Variants in AGPS observed in about 807,000 individuals in gnomAD.
The protein encoded by AGPS is alkyldihydroxyacetonephosphate synthase, peroxisomal.
Under a neutral mutation model 90.7 loss-of-function variants are expected in AGPS, and 26 were observed. That is an observed-to-expected ratio of 0.29 (90% confidence interval 0.21 to 0.40). The LOEUF (loss-of-function observed/expected upper bound fraction) is 0.40. AGPS is among the 10% of genes least tolerant of loss of function. The pLI, the probability that AGPS is intolerant of heterozygous loss-of-function variation, is 1.00. For synonymous variants in AGPS, 294 were observed against 285.3 expected (o/e 1.03, Z -0.31); for missense variants, 540 against 816.1 (o/e 0.66, Z 4.12).
intron 8 of AGPS, among the ~76,000 whole-genome samples, chr2:177,455,124 T>A (rs558037600): frequency 6.6e-6 from 1 of 152,334 alleles, no homozygotes; most frequent in South Asian, 2.1e-4. Flanking sequence ...GTAATCCATC[T>A]GGAGTATATC....
intron 1 of AGPS, among the ~76,000 whole-genome samples, chr2:177,417,138 G>T (rs1685809978): frequency 6.6e-6 from 1 of 152,128 alleles, no homozygotes. Context: ...CTACAACACA[G>T]GGTGAGCATC....
At chr2:177,436,213 A>G in intron 3 of AGPS, among the ~76,000 whole-genome samples, 1 of 122,446 alleles carries the variant, frequency 8.2e-6, no homozygotes, top group African/African-American at 3.1e-5. Context: ...GTGCCGTGGT[A>G]CAATCTCGGC....
At chr2:177,408,156 A>C (rs940386172) in intron 1 of AGPS, among the ~76,000 whole-genome samples, 1 of 152,152 alleles carries the variant, frequency 6.6e-6, no homozygotes, top group African/African-American at 2.4e-5. Context: ...GTAGAACATC[A>C]GCAGTTTCTC....
chr2:177,527,844 A>G (rs976998782), intron 19 of AGPS, among the ~76,000 whole-genome samples: 4 of 152,220 alleles, frequency 2.6e-5, no homozygotes, highest in African/African-American at 9.6e-5. Flanking sequence ...CCTCATTTAA[A>G]TAGAAATCTT....
chr2:177,466,914 C>T (rs927607814), intron 9 of AGPS, among the ~76,000 whole-genome samples: 1 of 152,164 alleles, frequency 6.6e-6, no homozygotes, highest in Non-Finnish European at 1.5e-5. Context: ...GTGCTTCCGG[C>T]CCCCAAGAGC....
chr2:177,445,665 A>T, intron 8 of AGPS, 39 bp downstream of exon 8: 2 of 1,368,274 alleles, frequency 1.5e-6, no homozygotes, highest in Non-Finnish European at 2.0e-6. Context: ...AAATTAACTT[A>T]TTCTAATATC....
intron 1 of AGPS, among the ~76,000 whole-genome samples, chr2:177,412,629 T>TC (rs1169607393): frequency 6.6e-6 from 1 of 151,880 alleles, no homozygotes; most frequent in Admixed American, 6.6e-5. Flanking sequence ...CTTTGGAGAG[T>TC]CCCTTCGTGG....
chr2:177,522,431 A>G (rs1689223668), intron 18 of AGPS, among the ~76,000 whole-genome samples: 1 of 152,108 alleles, frequency 6.6e-6, no homozygotes, highest in Admixed American at 6.6e-5. Flanking sequence ...CATATGTATG[A>G]TTCATTCGGA....
intron 2 of AGPS, among the ~76,000 whole-genome samples, chr2:177,430,834 G>T (rs557354949): frequency 9.9e-5 from 15 of 152,008 alleles, no homozygotes; most frequent in Non-Finnish European, 1.5e-4. Context: ...TAAAATTTTT[G>T]AAAAATGTCA....
At chr2:177,442,294 G>A in intron 6 of AGPS, 113 bp from the exon 7 acceptor site, 1 of 818,892 alleles carries the variant, frequency 1.2e-6, no homozygotes, top group Non-Finnish European at 2.1e-6. Context: ...GTATTAATAG[G>A]TATCACTTTT....
rs1253361507 is a variant in AGPS at position 177,497,759 on chromosome 2, T to A, written c.1356T>A (p.Ile452=). The A allele has an allele frequency of 6.7e-7, 1 of 1,498,276 alleles. No homozygotes were observed. The highest frequency in any genetic ancestry group is 1.2e-5 in the South Asian group (1 of 85,812). The allele number at this position is 1,498,276 out of a possible 1,614,324, so 92.8% of individuals were successfully genotyped here. ...SFLDGLKKFY[I]TKFKGFDPNQ... The stretch of plus-strand genomic sequence containing the variant: ...TGGACGGATTAAAAAAGTTTTATAT[T>A]ACAAAGGTAAGAATTTTTATAAAAT... The change falls in exon 13 of 20, where the codon ATT becomes ATA. Residue 452 remains isoleucine, a synonymous_variant. Coordinates refer to ENST00000264167, the MANE Select transcript of AGPS (RefSeq NM_003659.4).
At chr2:177,440,868 A>G (rs1686582802) in intron 5 of AGPS, 97 bp from the exon 6 acceptor site, 6 of 1,006,534 alleles carry the variant, frequency 6.0e-6, no homozygotes, top group African/African-American at 1.6e-5. Context: ...GAATGAAGGA[A>G]AAGTTTAGAT....
At chr2:177,429,949 C>A (rs952586264) in intron 2 of AGPS, among the ~76,000 whole-genome samples, 13 of 152,198 alleles carry the variant, frequency 8.5e-5, no homozygotes, top group Admixed American at 6.5e-5. Flanking sequence ...GGCTCTGTCC[C>A]AGGGAGAGAT....
At chr2:177,398,422 T>C (rs1270329354) in intron 1 of AGPS, among the ~76,000 whole-genome samples, 3 of 152,212 alleles carry the variant, frequency 2.0e-5, no homozygotes, top group Non-Finnish European at 4.4e-5. Flanking sequence ...AGTGATACTA[T>C]ATGTACATTA....
chr2:177,489,269 C>G (rs990388559), intron 11 of AGPS, among the ~76,000 whole-genome samples: 1 of 151,410 alleles, frequency 6.6e-6, no homozygotes, highest in Non-Finnish European at 1.5e-5. Context: ...TATTTTTAGT[C>G]GAGACAGGAT....
intron 10 of AGPS, among the ~76,000 whole-genome samples, chr2:177,471,270 TTC>T (rs1687616896): frequency 6.6e-6 from 1 of 152,172 alleles, no homozygotes; most frequent in African/African-American, 2.4e-5. Flanking sequence ...TTAAAAAAAT[TTC>T]TTTCAGTTAA....
chr2:177,497,534 G>A (rs538786252), intron 12 of AGPS, among the ~76,000 whole-genome samples, 155 bp from the exon 13 acceptor site: 36 of 151,732 alleles, frequency 2.4e-4, no homozygotes, highest in Non-Finnish European at 3.5e-4. Flanking sequence ...ACTATATATC[G>A]TAATATAAAT....
chr2:177,464,908 T>C (rs995658642), intron 9 of AGPS, among the ~76,000 whole-genome samples: 3 of 152,246 alleles, frequency 2.0e-5, no homozygotes, highest in Non-Finnish European at 4.4e-5. Context: ...AGCATTTCAT[T>C]TTCTGAAGAA....
intron 16 of AGPS, among the ~76,000 whole-genome samples, chr2:177,511,648 T>A (rs1688877045): frequency 6.6e-6 from 1 of 152,072 alleles, no homozygotes; most frequent in South Asian, 2.1e-4. Flanking sequence ...AGGGAGGAAA[T>A]GGTCAAGTGT....
Sources: allele counts gnomAD v4.1 joint callset (sites outside exome capture counted in the v4.1 genomes callset), GRCh38; gene constraint gnomAD v4.1.1; transcripts MANE v1.5; gene names NCBI Gene and HGNC (gene_info 2026-07-23, HGNC 2026-07-21).